LRRC27: variants seen among roughly 807,000 people sequenced by gnomAD.
LRRC27 encodes leucine rich repeat containing 27, also known as leucine-rich repeat-containing protein 27.
LRRC27 carries 57 observed loss-of-function variants against 55.0 expected under a neutral mutation model. That is an observed-to-expected ratio of 1.04 (90% CI 0.84 to 1.29). The LOEUF (loss-of-function observed/expected upper bound fraction) is 1.29, where lower values mean the gene tolerates loss of function less well. Ranked by LOEUF, LRRC27 falls within the 50% of genes most tolerant of loss-of-function variation. The pLI is 0.00. For synonymous variants in LRRC27, 278 were observed against 251.9 expected, an observed-to-expected ratio of 1.10 and a Z score of -0.98; for missense variants, 721 against 651.5, an observed-to-expected ratio of 1.11 and a Z score of -1.16.
rs1554901391 is a variant in LRRC27 at position 132,365,568 on chromosome 10, C to G, written c.1416+18C>G. 1.2e-6 allele frequency: 2 copies of G among 1,609,904 alleles called. No individual in the cohort carries two copies. Among genetic ancestry groups the G allele is most frequent in the Non-Finnish European group, 1.7e-6 (2 of 1,179,046 alleles). ...TGGAAATTGTAAGGATTTCTTGGTT[C>G]TGTTTAAAAAAGTGTGGGGTGTTTT... is the stretch of plus-strand genomic sequence containing the variant. On this transcript the variant is annotated intron_variant, in intron 10 of 10. Transcript: ENST00000368614.
At chr10:132,364,356 C>CACGCCCACACTT in intron 9 of LRRC27, among the ~76,000 whole-genome samples, 2 of 122,998 alleles carry the variant, frequency 1.6e-5, no homozygotes, top group African/African-American at 6.6e-5. Context: ...AATCTACCTC[C>CACGCCCACACTT]ACACCCGCGC....
intron 5 of LRRC27, among the ~76,000 whole-genome samples, chr10:132,346,187 C>G (rs1423792623): frequency 1.3e-5 from 2 of 152,196 alleles, no homozygotes; most frequent in Non-Finnish European, 2.9e-5. Flanking sequence ...GCACCAGCGG[C>G]TGCTGATGGG....
chr10:132,349,085 G>A, intron 6 of LRRC27: 2 of 1,476,198 alleles, frequency 1.4e-6, no homozygotes, highest in Non-Finnish European at 1.9e-6. Flanking sequence ...GCGTGTGTGT[G>A]CCTGCATGTG....
chr10:132,331,862 C>CA, upstream of LRRC27: 1 of 1,358,068 alleles, frequency 7.4e-7, no homozygotes, highest in Non-Finnish European at 1.0e-6. Context: ...TACCGTTGGC[C>CA]GCGTGCGTGC....
chr10:132,373,278 G>A (rs766305595), intron 10 of LRRC27, among the ~76,000 whole-genome samples: 5 of 152,220 alleles, frequency 3.3e-5, no homozygotes, highest in Non-Finnish European at 5.9e-5. Context: ...TGAGCAGAGC[G>A]AAGCATCCGG....
chr10:132,363,624 C>T (rs537826692), intron 9 of LRRC27, among the ~76,000 whole-genome samples: 12 of 152,324 alleles, frequency 7.9e-5, no homozygotes, highest in Admixed American at 2.6e-4. Context: ...GCACCAGGCT[C>T]GCTGTGGCTC....
chr10:132,351,722 G>A lies in LRRC27; in HGVS notation c.1042G>A (p.Glu348Lys). 6.2e-7 allele frequency: 1 copy of A among 1,613,532 alleles called. No individual in the cohort carries two copies. Among genetic ancestry groups the A allele is most frequent in the Middle Eastern group, 1.7e-4 (1 of 6,060 alleles). Residue 348 changes from glutamate (E) to lysine (K), a missense_variant, in exon 7 of 11, where the codon GAG becomes AAG. Physicochemically the swap from Glu to Lys is moderately conservative, Grantham distance 56. Coordinates refer to ENST00000368614, the MANE Select transcript of LRRC27 (RefSeq NM_030626.3). Reference sequence around the variant, plus strand: ...AGCGGCGGCGCTCCGAGAGCTCCAGGAGAAGCAGGCTCTGATGGAGCAGCA... The same window carrying A: ...AGCGGCGGCGCTCCGAGAGCTCCAGAAGAAGCAGGCTCTGATGGAGCAGCA... ...SRAAALRELQ[E>K]KQALMEQQRR...
In LRRC27 at chr10:132,374,858, G is replaced by T. The variant is rs2069307463; in HGVS notation, c.1417-208G>T. On this transcript the variant is annotated intron_variant, in intron 10 of 10. Coordinates refer to ENST00000368614, the MANE Select transcript of LRRC27 (RefSeq NM_030626.3). The surrounding 1 kb of genome is among the most constrained non-coding windows in gnomAD (Gnocchi z 4.4). ...GGGTGGTGTCCTCATGAGGTAGAAG[G>T]CCTGGGAGCCGGCTGGAAGTAGGCT... 6.6e-6 allele frequency among the ~76,000 whole-genome samples: 1 copy of T among 152,200 alleles called. No homozygotes were observed. Among genetic ancestry groups the T allele is most frequent in the Non-Finnish European group, 1.5e-5 (1 of 68,024 alleles).
intron 1 of LRRC27, among the ~76,000 whole-genome samples, chr10:132,333,243 A>G (rs1478364834): frequency 6.6e-6 from 1 of 152,024 alleles, no homozygotes; most frequent in East Asian, 1.9e-4. Context: ...TGCGTTTTCC[A>G]GGAGTTAAAT....
At chr10:132,354,637 C>T (rs910237449) in intron 7 of LRRC27, among the ~76,000 whole-genome samples, 5 of 152,310 alleles carry the variant, frequency 3.3e-5, no homozygotes, top group South Asian at 4.1e-4. Context: ...AGCACTGACT[C>T]GGGATGGAGC....
intron 10 of LRRC27, chr10:132,366,698 C>A: frequency 4.5e-6 from 2 of 446,020 alleles, no homozygotes; most frequent in African/African-American, 2.1e-5. Flanking sequence ...CATGCCCGAA[C>A]ACAGGTCAGG....
chr10:132,348,478 T>C lies in LRRC27; in HGVS notation c.926+122T>C. 7.5e-7 allele frequency: 1 copy of C among 1,339,834 alleles called. No individual in the cohort carries two copies. Among genetic ancestry groups the C allele is most frequent in the Non-Finnish European group, 1.0e-6 (1 of 976,018 alleles). The allele number at this position is 1,339,834 out of a possible 1,614,324, so 83.0% of individuals were successfully genotyped here. A position where few individuals can be genotyped will look rare whatever the true frequency, so the allele number is the denominator to read the frequency against. On this transcript the variant is annotated intron_variant, in intron 6 of 10. Transcript: ENST00000368614. The surrounding 1 kb of genome is among the most constrained non-coding windows in gnomAD (Gnocchi z 4.2). ...TGTCCTCCACGTTGCCACCGTTTAC[T>C]GTGCAGTGAGTGCCGGTCCCAGGTT...
rs749917052 is a variant in LRRC27 at position 132,347,975 on chromosome 10, C to A, written c.554-9C>A. ...TGGTAGCTACTAAAGCGGTTTCTTA[C>A]TCTCCCAGAGGCTCCACCGGTTAGA... On this transcript the variant is annotated splice_polypyrimidine_tract_variant and intron_variant, in intron 5 of 10. Transcript: ENST00000368614. The A allele has an allele frequency of 8.9e-6, 14 of 1,579,144 alleles. No homozygotes were observed. The highest frequency in any genetic ancestry group is 5.7e-5 in the Admixed American group (3 of 52,366).
chr10:132,335,608 A>C, intron 2 of LRRC27, among the ~76,000 whole-genome samples: 1 of 149,726 alleles, frequency 6.7e-6, no homozygotes, highest in Non-Finnish European at 1.5e-5. Flanking sequence ...GATGTCGTCT[A>C]TTGGTTGTTG....
Position 132,348,976 on chromosome 10 carries a change from A to T in LRRC27, c.926+620A>T, listed in dbSNP as rs2067863879. The T allele has an allele frequency of 6.2e-7, 1 of 1,608,166 alleles. No homozygotes were observed. ...TTTCACACCCAGGACAAGGGTCCCT[A>T]GGAAACAGGCTCTGCAGAGACTACA... On this transcript the variant is annotated intron_variant, in intron 6 of 10. Coordinates refer to ENST00000368614, the MANE Select transcript of LRRC27 (RefSeq NM_030626.3). The surrounding 1 kb of genome is among the most constrained non-coding windows in gnomAD (Gnocchi z 4.2).
In LRRC27 at chr10:132,352,071, G is replaced by A. The variant is rs546877657; in HGVS notation, c.1073+318G>A. Among the ~76,000 whole-genome samples the A allele has an allele frequency of 6.5e-4, 60 of 92,048 alleles. 8 individuals carry two copies. The East Asian group carries it at 0.018, about 28-fold the overall frequency. The allele number at this position is 92,048 out of a possible 152,430, so 60.4% of individuals were successfully genotyped here. ...GCTGAGGCCTCCGTGTGGGGCAGGC[G>A]CAGGTGCAGCGCTCCGTGTGGGGCA... On this transcript the variant is annotated intron_variant, in intron 7 of 10. Coordinates refer to ENST00000368614, the MANE Select transcript of LRRC27 (RefSeq NM_030626.3).
Position 132,373,297 on chromosome 10 carries a change from G to A in LRRC27, c.1417-1769G>A, listed in dbSNP as rs545806659. ...CAGAGCGAAGCATCCGGCAGGTTCC[G>A]GCAGGTTCCAGCAGGAGAGACGAGA... is the stretch of plus-strand genomic sequence containing the variant. On this transcript the variant is annotated intron_variant, in intron 10 of 10. Coordinates refer to ENST00000368614, the MANE Select transcript of LRRC27 (RefSeq NM_030626.3). Among the ~76,000 whole-genome samples, 28 of 152,320 alleles carry A rather than the reference G, an allele frequency of 1.8e-4. No homozygotes were observed. The South Asian group carries it at 4.3e-3, about 24-fold the overall frequency.
Position 132,333,544 on chromosome 10 carries a change from A to T in LRRC27, c.20A>T (p.Tyr7Phe). Reference protein sequence around the residue: MEGSSSYEVPSVAAADL... With the variant: MEGSSSFEVPSVAAADL... ...GAACGGATGGAGGGAAGCAGCTCCT[A>T]CGAAGTTCCCTCTGTGGCTGCTGCT... The change falls in exon 2 of 11, where the codon TAC becomes TTC. Residue 7 changes from tyrosine to phenylalanine, a missense_variant. Transcript: ENST00000368614. The T allele has an allele frequency of 6.2e-7, 1 of 1,606,466 alleles. No homozygotes were observed. The highest frequency in any genetic ancestry group is 8.5e-7 in the Non-Finnish European group (1 of 1,176,316).
At chr10:132,340,450 T>C (rs532094371) in intron 3 of LRRC27, among the ~76,000 whole-genome samples, 13 of 152,260 alleles carry the variant, frequency 8.5e-5, no homozygotes, top group South Asian at 4.1e-4. Context: ...AGCCCTAGCA[T>C]TGGAGAAGCC....
Sources: gnomAD v4.1 joint callset for allele counts (sites outside exome capture counted in the v4.1 genomes callset) on GRCh38, gnomAD v4.1.1 for gene constraint, Gnocchi (gnomAD v3.1) non-coding constraint, MANE v1.5 for transcripts, NCBI Gene and HGNC (gene_info 2026-07-23, HGNC 2026-07-21) for gene names.